The following BLM variants were observed in gnomAD, a reference collection of about 807,000 sequenced individuals.
The protein encoded by BLM is BLM RecQ like helicase, also known as recQ-like DNA helicase BLM.
Under a neutral mutation model 135.3 loss-of-function variants are expected in BLM, and 95 were observed. The observed-to-expected ratio is 0.70, with a 90% CI of 0.59 to 0.83. BLM has a LOEUF of 0.83. Among genes scored for constraint, BLM ranks in the 40% least tolerant of loss-of-function variants. The probability of loss-of-function intolerance (pLI) is 0.00; values close to 1 mark genes in which losing one functional copy is unlikely to be tolerated. For synonymous variants in BLM, 520 were observed against 589.2 expected (o/e 0.88, Z 1.70); for missense variants, 1,518 against 1,663.9 (o/e 0.91, Z 1.53).
In BLM at chr15:90,784,327, C is replaced by CTTTTTTTTTTTTTTT. The variant is rs769540432; in HGVS notation, c.2663-584_2663-570dup. 4.3e-5 allele frequency among the ~76,000 whole-genome samples: 3 copies of CTTTTTTTTTTTTTTT among 70,002 alleles called. 1 individual carries two copies. The highest frequency in any genetic ancestry group is 1.4e-4 in the African/African-American group (2 of 14,692). The allele number at this position is 70,002 out of a possible 152,430, so 45.9% of individuals were successfully genotyped here. ...CAAAGTTTGTGCAAGAATGGCTTTT[C>CTTTTTTTTTTTTTTT]TTTTTTTTTTTTTTTTTTTTTTTTG... On this transcript the variant is annotated intron_variant, in intron 13 of 21. Coordinates refer to ENST00000355112, the MANE Select transcript of BLM (RefSeq NM_000057.4).
chr15:90,781,903 T>C (rs1204478872), intron 12 of BLM, among the ~76,000 whole-genome samples: 1 of 152,224 alleles, frequency 6.6e-6, no homozygotes, highest in East Asian at 1.9e-4. Context: ...GTCAGCCTCA[T>C]CTTGGAGTCA....
intron 1 of BLM, among the ~76,000 whole-genome samples, chr15:90,728,151 C>T (rs1357968702): frequency 6.6e-6 from 1 of 152,128 alleles, no homozygotes; most frequent in Non-Finnish European, 1.5e-5. Flanking sequence ...ATCCTCCCAC[C>T]TCAGCCTCCT....
chr15:90,811,992 A>T (rs570507086), intron 21 of BLM, among the ~76,000 whole-genome samples: 24 of 152,270 alleles, frequency 1.6e-4, no homozygotes, highest in Non-Finnish European at 3.2e-4. Flanking sequence ...GATGTCTTCC[A>T]TGTTGATCTT....
chr15:90,736,898 G>A (rs1895233003), intron 1 of BLM, among the ~76,000 whole-genome samples: 1 of 152,222 alleles, frequency 6.6e-6, no homozygotes, highest in Non-Finnish European at 1.5e-5. Flanking sequence ...CCCACAGGAA[G>A]TAGATGGCAA....
In BLM at chr15:90,798,190, G is replaced by T. The variant is rs794727180; in HGVS notation, c.3211G>T (p.Asp1071Tyr). The T allele has an allele frequency of 3.7e-6, 6 of 1,601,012 alleles. No homozygotes were observed. The highest frequency in any genetic ancestry group is 1.7e-6 in the Non-Finnish European group (2 of 1,169,914). The change falls in exon 17 of 22, where the codon GAT becomes TAT. Residue 1071 changes from aspartate (D) to tyrosine (Y), a missense_variant and splice_region_variant. Coordinates refer to ENST00000355112, the MANE Select transcript of BLM (RefSeq NM_000057.4). ...GAAAGTATTCTCTTTTTATTCATAG[G>T]ATTATAAAACAAGAGATGTGACTGA... ...VSCDNCCKTK[D>Y]YKTRDVTDDV...
chr15:90,734,679 A>G (rs1052868354), intron 1 of BLM, among the ~76,000 whole-genome samples: 6 of 127,520 alleles, frequency 4.7e-5, no homozygotes, highest in African/African-American at 9.4e-5. Flanking sequence ...ACGCACGCAC[A>G]CACACACACA....
At chr15:90,794,533 C>A (rs1212945512) in intron 16 of BLM, among the ~76,000 whole-genome samples, 176 bp downstream of exon 16, 1 of 151,704 alleles carries the variant, frequency 6.6e-6, no homozygotes, top group Non-Finnish European at 1.5e-5. Flanking sequence ...CATGCGGTAT[C>A]TTTTCTTTAT....
chr15:90,730,612 T>A (rs1430690512), intron 1 of BLM, among the ~76,000 whole-genome samples: 1 of 151,966 alleles, frequency 6.6e-6, no homozygotes, highest in Non-Finnish European at 1.5e-5. Flanking sequence ...TGCGCCCAGC[T>A]AATTTTTGTA....
At chr15:90,723,170 T>C (rs984726704) in intron 1 of BLM, among the ~76,000 whole-genome samples, 2 of 152,004 alleles carry the variant, frequency 1.3e-5, no homozygotes, top group Non-Finnish European at 1.5e-5. Context: ...TGATAATGCT[T>C]TTCTTGTCTT....
At chr15:90,799,744 T>G (rs1014635823) in intron 17 of BLM, among the ~76,000 whole-genome samples, 1 of 151,096 alleles carries the variant, frequency 6.6e-6, no homozygotes, top group African/African-American at 2.4e-5. Context: ...GGTTCAGTGA[T>G]GGGGCCTGCA....
intron 1 of BLM, among the ~76,000 whole-genome samples, chr15:90,742,715 AC>A (rs1460672256): frequency 6.6e-6 from 1 of 151,388 alleles, no homozygotes; most frequent in Non-Finnish European, 1.5e-5. Flanking sequence ...GCTCACTGAA[AC>A]CTCGACCTCC....
In BLM at chr15:90,762,441, A is replaced by C. The variant is rs1287171690; in HGVS notation, c.1883-525A>C. 3 of 155,098 alleles carry C rather than the reference A, an allele frequency of 1.9e-5. No individual in the cohort carries two copies. In the East Asian group the frequency reaches 5.7e-4, roughly 30 times the overall value. 9.6% of individuals were successfully genotyped at this position (155,098 alleles called of 1,614,324 possible). On this transcript the variant is annotated intron_variant, in intron 7 of 21. Coordinates refer to ENST00000355112, the MANE Select transcript of BLM (RefSeq NM_000057.4). ...AGTGCTGGTAAGTCATTCAGGTACCAATGTCTTGCAGACAACGGGAGCTGT... is the reference window on the plus strand; with the variant it reads ...AGTGCTGGTAAGTCATTCAGGTACCCATGTCTTGCAGACAACGGGAGCTGT...
At chr15:90,770,389 G>A (rs1896278707) in intron 12 of BLM, among the ~76,000 whole-genome samples, 1 of 152,086 alleles carries the variant, frequency 6.6e-6, no homozygotes, top group South Asian at 2.1e-4. Flanking sequence ...TCTTAGCCAG[G>A]AGGGTCTCGA....
At chr15:90,782,268 A>G (rs1238379012) in intron 12 of BLM, among the ~76,000 whole-genome samples, 3 of 152,042 alleles carry the variant, frequency 2.0e-5, no homozygotes, top group African/African-American at 7.2e-5. Context: ...GGCATCCATA[A>G]TCCCAGCTAC....
At chr15:90,738,871 A>C (rs543881168) in intron 1 of BLM, among the ~76,000 whole-genome samples, 1 of 152,342 alleles carries the variant, frequency 6.6e-6, no homozygotes, top group East Asian at 1.9e-4. Context: ...AGCCCTGTGC[A>C]TTATTTATAG....
intron 19 of BLM, among the ~76,000 whole-genome samples, chr15:90,806,695 AAAC>A (rs1358680302): frequency 6.6e-6 from 1 of 152,124 alleles, no homozygotes; most frequent in Non-Finnish European, 1.5e-5. Context: ...AGTTCCTGGA[AAAC>A]AACGTCTTCA....
intron 12 of BLM, among the ~76,000 whole-genome samples, chr15:90,770,535 A>G (rs1896285300): frequency 6.6e-6 from 1 of 152,194 alleles, no homozygotes; most frequent in African/African-American, 2.4e-5. Context: ...CTGAGTTTGT[A>G]GAGATATGGA....
In BLM at chr15:90,794,369, A is replaced by G; in HGVS notation, c.3210+12A>G. The stretch of plus-strand genomic sequence containing the variant: ...GCTGTAAAACAAAGGTAAAAAAAGA[A>G]GTTTTAAAATTCTTTATAATTAAAT... On this transcript the variant is annotated intron_variant, in intron 16 of 21. Coordinates refer to ENST00000355112, the MANE Select transcript of BLM (RefSeq NM_000057.4). 1.3e-6 allele frequency: 2 copies of G among 1,543,082 alleles called. No individual in the cohort carries two copies. Among genetic ancestry groups the G allele is most frequent in the Non-Finnish European group, 1.7e-6 (2 of 1,145,748 alleles).
intron 12 of BLM, among the ~76,000 whole-genome samples, chr15:90,770,294 C>G (rs1216495850): frequency 6.6e-6 from 1 of 151,618 alleles, no homozygotes; most frequent in Non-Finnish European, 1.5e-5. Flanking sequence ...CCCACCTTAG[C>G]CTCCCGAGTA....
Sources: allele counts gnomAD v4.1 joint callset (sites outside exome capture counted in the v4.1 genomes callset), GRCh38; gene constraint gnomAD v4.1.1; transcripts MANE v1.5; gene names NCBI Gene and HGNC (gene_info 2026-07-23, HGNC 2026-07-21).